TAS1R3: variants seen among roughly 807,000 people sequenced by gnomAD.
The protein encoded by TAS1R3 is taste 1 receptor member 3, also known as taste receptor type 1 member 3.
In TAS1R3, 58 loss-of-function variants were observed where a neutral mutation model predicts 46.1. The ratio of observed to expected loss-of-function variants is 1.26; its 90% confidence interval spans 1.02 to 1.57. The LOEUF is 1.57. Ranked by LOEUF, TAS1R3 falls within the 40% of genes most tolerant of loss-of-function variation. The probability of loss-of-function intolerance (pLI) is 0.00; values close to 1 mark genes in which losing one functional copy is unlikely to be tolerated. For synonymous variants in TAS1R3, 724 were observed against 544.7 expected, an observed-to-expected ratio of 1.33 and a Z score of -4.58; for missense variants, 1,422 against 1,185.8, an observed-to-expected ratio of 1.20 and a Z score of -2.93.
Position 1,332,759 on chromosome 1 carries a change from T to C in TAS1R3, c.1228T>C (p.Cys410Arg), listed in dbSNP as rs1643459583. 6.2e-7 allele frequency: 1 copy of C among 1,605,884 alleles called. No homozygotes were observed. Among genetic ancestry groups the C allele is most frequent in the Non-Finnish European group, 8.5e-7 (1 of 1,179,768 alleles). The change falls in exon 3 of 6, where the codon TGC (cysteine) becomes CGC (arginine). Residue 410 changes from cysteine (C) to arginine (R), a missense_variant. Coordinates refer to ENST00000339381, the MANE Select transcript of TAS1R3 (RefSeq NM_152228.3). ...CCAGGCCCTGCACAACACTCTTCAG[T>C]GCAACGCCTCAGGCTGCCCCGCGCA... is the stretch of plus-strand genomic sequence containing the variant. ...VAQALHNTLQ[C>R]NASGCPAQDP...
rs772891430 is a variant in TAS1R3 at position 1,331,443 on chromosome 1, G to A, written c.98G>A (p.Gly33Glu). 4 of 1,604,146 alleles carry A rather than the reference G, an allele frequency of 2.5e-6. No homozygotes were observed. Among genetic ancestry groups the A allele is most frequent in the South Asian group, 1.1e-5 (1 of 89,932 alleles). Residue 33 changes from glycine to glutamate, a missense_variant, in exon 1 of 6, where the codon GGG becomes GAG. Coordinates refer to ENST00000339381, the MANE Select transcript of TAS1R3 (RefSeq NM_152228.3). ...LCLSQQLRMK[G>E]DYVLGGLFPL... The stretch of plus-strand genomic sequence containing the variant: ...CTGTCACAGCAACTTAGGATGAAGG[G>A]GGACTACGTGCTGGGGGGGCTGTTC...
At position 1,331,855 on chromosome 1, in the gene TAS1R3, C is replaced by T. The variant is rs773173410; in HGVS notation, c.409C>T (p.Arg137Cys). ...CTGCAACTACACGCAGTACCAGCCCCGTGTGCTGGCTGTCATCGGGCCCCA... is the reference window on the plus strand; with the variant it reads ...CTGCAACTACACGCAGTACCAGCCCTGTGTGCTGGCTGTCATCGGGCCCCA... ...AYCNYTQYQP[R>C]VLAVIGPHSS... is the part of the protein sequence containing the mutation. The change falls in exon 2 of 6, where the codon CGT (arginine) becomes TGT (cysteine). Residue 137 changes from arginine (R) to cysteine (C), a missense_variant. Arg to Cys is a radical substitution (Grantham distance 180, BLOSUM62 -3). Transcript: ENST00000339381. The T allele has an allele frequency of 7.4e-6, 12 of 1,612,806 alleles. No homozygotes were observed. The Admixed American group carries it at 1.0e-4, about 13-fold the overall frequency.
Position 1,333,934 on chromosome 1 carries a change from C to T in TAS1R3, c.2029C>T (p.Arg677Trp), listed in dbSNP as rs370607593. 1.7e-5 allele frequency: 27 copies of T among 1,600,146 alleles called. No homozygotes were observed. Among genetic ancestry groups the T allele is most frequent in the African/African-American group, 4.0e-5 (3 of 74,198 alleles). ...SWADRLSGCL[R>W]GPWAWLVVLL... ...GGCAGACCGGCTGAGTGGCTGCCTG[C>T]GGGGGCCCTGGGCCTGGCTGGTGGT... The change falls in exon 6 of 6, where the codon CGG becomes TGG. Residue 677 changes from arginine (R) to tryptophan (W), a missense_variant. By Grantham distance (101) the Arg-to-Trp change is moderately radical. Transcript: ENST00000339381.
Position 1,332,684 on chromosome 1 carries a change from C to G in TAS1R3, c.1153C>G (p.Leu385Val), listed in dbSNP as rs762316985. Residue 385 changes from leucine to valine, a missense_variant, in exon 3 of 6, where the codon CTA becomes GTA. Transcript: ENST00000339381. ...CACGCTGCAGAACGTGAGCGCAGGG[C>G]TAAATCACCACCAGACGTTCTCTGT... ...CITLQNVSAGLNHHQTFSVYA... is the reference protein window; with the variant it reads ...CITLQNVSAGVNHHQTFSVYA... The G allele has an allele frequency of 6.2e-7, 1 of 1,604,988 alleles. No homozygotes were observed. The highest frequency in any genetic ancestry group is 1.1e-5 in the South Asian group (1 of 90,944).
chr1:1,331,560 T>A, intron 1 of TAS1R3, 24 bp downstream of exon 1: 1 of 1,598,218 alleles, frequency 6.3e-7, no homozygotes, highest in Admixed American at 1.7e-5. Context: ...ACGGCCTGGG[T>A]CGGGGTCAGG....
Position 1,331,837 on chromosome 1 carries a change from T to A in TAS1R3, c.391T>A (p.Tyr131Asn). 1 of 1,612,910 alleles carries A rather than the reference T, an allele frequency of 6.2e-7. No homozygotes were observed. Among genetic ancestry groups the A allele is most frequent in the Admixed American group, 1.7e-5 (1 of 60,022 alleles). The change falls in exon 2 of 6, where the codon TAC (tyrosine) becomes AAC (asparagine). Residue 131 changes from tyrosine to asparagine, a missense_variant. Transcript: ENST00000339381. ...CCGCGACATCGCCGCCTACTGCAAC[T>A]ACACGCAGTACCAGCCCCGTGTGCT... ...GSRDIAAYCN[Y>N]TQYQPRVLAV...
In TAS1R3 at chr1:1,331,311, G is replaced by A; in HGVS notation, c.-35G>A. ...TCCATGTGAGGCCCCAGTCGGGGCA[G>A]CCACCTGCCGTGCCTGTTGGAAGTT... On this transcript the variant is annotated 5_prime_UTR_variant, in exon 1 of 6. Transcript: ENST00000339381. The A allele has an allele frequency of 1.3e-6, 2 of 1,531,676 alleles. No individual in the cohort carries two copies. Among genetic ancestry groups the A allele is most frequent in the South Asian group, 2.5e-5 (2 of 79,104 alleles). The allele number at this position is 1,531,676 out of a possible 1,614,324, so 94.9% of individuals were successfully genotyped here. A position where few individuals can be genotyped will look rare whatever the true frequency, so the allele number is the denominator to read the frequency against.
chr1:1,333,696 A>C lies in TAS1R3; in HGVS notation c.1791A>C (p.Pro597=), dbSNP rs148260692. 4,251 of 1,611,362 alleles carry C rather than the reference A, an allele frequency of 2.6e-3. 115 individuals carry two copies. The African/African-American group carries it at 0.05, about 19-fold the overall frequency. The change falls in exon 6 of 6, where the codon CCA becomes CCC. Residue 597 remains proline, a synonymous_variant. Transcript: ENST00000339381. ...TGTTCGTTCACCATCGGGACAGCCCACTGGTTCAGGCCTCGGGGGGGCCCC... is the reference window on the plus strand; with the variant it reads ...TGTTCGTTCACCATCGGGACAGCCCCCTGGTTCAGGCCTCGGGGGGGCCCC... ...LGLFVHHRDS[P]LVQASGGPLA... is the part of the protein sequence containing the mutation.
intron 5 of TAS1R3, 45 bp from the exon 6 acceptor site, chr1:1,333,461 A>C (rs1208869380): frequency 3.1e-6 from 5 of 1,603,376 alleles, no homozygotes; most frequent in Non-Finnish European, 3.4e-6. Flanking sequence ...ACCAGAGCCC[A>C]CAGGGTACAA....
intron 1 of TAS1R3, 34 bp downstream of exon 1, chr1:1,331,570 G>C: frequency 6.2e-7 from 1 of 1,601,792 alleles, no homozygotes; most frequent in Non-Finnish European, 8.5e-7. Flanking sequence ...TCGGGGTCAG[G>C]GTGACCAGGT....
In TAS1R3 at chr1:1,333,654, G is replaced by A; in HGVS notation, c.1749G>A (p.Val583=). ...TGCTGAGCCTGGCGCTGGGCCTTGT[G>A]CTGGCTGCTTTGGGGCTGTTCGTTC... The part of the protein sequence containing the change: ...LLLLSLALGL[V]LAALGLFVHH... The change falls in exon 6 of 6, where the codon GTG becomes GTA. Residue 583 remains valine, a synonymous_variant. Coordinates refer to ENST00000339381, the MANE Select transcript of TAS1R3 (RefSeq NM_152228.3). 4.3e-6 allele frequency: 7 copies of A among 1,612,068 alleles called. No homozygotes were observed. Among genetic ancestry groups the A allele is most frequent in the Non-Finnish European group, 5.9e-6 (7 of 1,179,920 alleles).
In TAS1R3 at chr1:1,334,459, G is replaced by T; in HGVS notation, c.2554G>T (p.Glu852Ter). ...DGNTGNQGKH[E>*] ...GAACACAGGAAATCAGGGGAAACAT[G>T]AGTGACCCAACCCTGTGATCTCAGC... The change falls in exon 6 of 6, where the codon GAG (glutamate) becomes TAG (stop). Residue 852 changes from glutamate (E) to a stop codon, truncating the protein, a stop_gained. Coordinates refer to ENST00000339381, the MANE Select transcript of TAS1R3 (RefSeq NM_152228.3). LOFTEE classifies it high-confidence loss of function. 1 of 1,559,422 alleles carries T rather than the reference G, an allele frequency of 6.4e-7. No homozygotes were observed.
chr1:1,332,316 A>G lies in TAS1R3; in HGVS notation c.785A>G (p.Gln262Arg). ...GGGAAGGTGCAGGACGTCCTGCACC[A>G]GGTGAACCAGAGCAGCGTGCAGGTG... ...RLGKVQDVLH[Q>R]VNQSSVQVVL... The change falls in exon 3 of 6, where the codon CAG becomes CGG. Residue 262 changes from glutamine (Q) to arginine (R), a missense_variant. By Grantham distance (43) the Gln-to-Arg change is conservative. Transcript: ENST00000339381. 1 of 1,601,290 alleles carries G rather than the reference A, an allele frequency of 6.2e-7. No homozygotes were observed. Among genetic ancestry groups the G allele is most frequent in the Non-Finnish European group, 8.5e-7 (1 of 1,175,928 alleles).
chr1:1,333,876 G>A lies in TAS1R3; in HGVS notation c.1971G>A (p.Glu657=). 1 of 1,600,428 alleles carries A rather than the reference G, an allele frequency of 6.2e-7. No individual in the cohort carries two copies. Residue 657 remains glutamate, a synonymous_variant, in exon 6 of 6, where the codon GAG becomes GAA. Transcript: ENST00000339381. ...GCACACTCTTCCTGCAGGCGGCCGAGATCTTCGTGGAGTCAGAACTGCCTC... is the reference window on the plus strand; with the variant it reads ...GCACACTCTTCCTGCAGGCGGCCGAAATCTTCGTGGAGTCAGAACTGCCTC... ...CLSTLFLQAA[E]IFVESELPLS... is the part of the protein sequence containing the mutation.
Position 1,334,592 on chromosome 1 carries a change from C to T in TAS1R3, c.*128C>T, listed in dbSNP as rs903338310. 2.1e-5 allele frequency: 23 copies of T among 1,090,048 alleles called. No individual in the cohort carries two copies. The highest frequency in any genetic ancestry group is 2.8e-5 in the Non-Finnish European group (22 of 785,084). 67.5% of individuals were successfully genotyped at this position (1,090,048 alleles called of 1,614,324 possible). A position where few individuals can be genotyped will look rare whatever the true frequency, so the allele number is the denominator to read the frequency against. ...TTCTGACCCCAGGTTGTCTCCTGAC[C>T]CTGACCCCACAGTGAGCCCTAGGCC... is the stretch of plus-strand genomic sequence containing the variant. On this transcript the variant is annotated 3_prime_UTR_variant, in exon 6 of 6. Transcript: ENST00000339381.
In TAS1R3 at chr1:1,332,967, C is replaced by G; in HGVS notation, c.1322C>G (p.Pro441Arg). 9.3e-6 allele frequency: 15 copies of G among 1,612,220 alleles called. No individual in the cohort carries two copies. The highest frequency in any genetic ancestry group is 1.3e-5 in the Non-Finnish European group (15 of 1,179,508). ...YNLTFHVGGL[P>R]LRFDSSGNVD... ...CTGACCTTCCACGTGGGCGGGCTGC[C>G]GCTGCGGTTCGACAGCAGCGGAAAC... The change falls in exon 4 of 6, where the codon CCG becomes CGG. Residue 441 changes from proline (P) to arginine (R), a missense_variant. Pro to Arg is a moderately radical substitution (Grantham distance 103). Coordinates refer to ENST00000339381, the MANE Select transcript of TAS1R3 (RefSeq NM_152228.3).
At position 1,332,356 on chromosome 1, in the gene TAS1R3, C is replaced by G. The variant is rs1487875275; in HGVS notation, c.825C>G (p.Ala275=). The change falls in exon 3 of 6, where the codon GCC becomes GCG. Residue 275 remains alanine (A), a synonymous_variant. Coordinates refer to ENST00000339381, the MANE Select transcript of TAS1R3 (RefSeq NM_152228.3). ...QSSVQVVLLF[A]SVHAAHALFN... The stretch of plus-strand genomic sequence containing the variant: ...GCGTGCAGGTGGTGCTGCTGTTCGC[C>G]TCCGTGCACGCCGCCCACGCCCTCT... The G allele has an allele frequency of 1.2e-6, 2 of 1,602,596 alleles. No homozygotes were observed. The highest frequency in any genetic ancestry group is 1.7e-5 in the Admixed American group (1 of 58,452).
At position 1,332,091 on chromosome 1, in the gene TAS1R3, T is replaced by C. The variant is rs770543641; in HGVS notation, c.560T>C (p.Val187Ala). 6 of 1,601,304 alleles carry C rather than the reference T, an allele frequency of 3.7e-6. No individual in the cohort carries two copies. The South Asian group carries it at 5.5e-5, about 15-fold the overall frequency. The change falls in exon 3 of 6, where the codon GTG (valine) becomes GCG (alanine). Residue 187 changes from valine (V) to alanine (A), a missense_variant. Coordinates refer to ENST00000339381, the MANE Select transcript of TAS1R3 (RefSeq NM_152228.3). The part of the protein sequence containing the change: ...RETFPSFFRT[V>A]PSDRVQLTAA... ...ACCTTCCCCTCCTTCTTCCGCACCGTGCCCAGCGACCGTGTGCAGCTGACG... is the reference window on the plus strand; with the variant it reads ...ACCTTCCCCTCCTTCTTCCGCACCGCGCCCAGCGACCGTGTGCAGCTGACG...
At position 1,334,162 on chromosome 1, in the gene TAS1R3, A is replaced by C. The variant is rs542451080; in HGVS notation, c.2257A>C (p.Ser753Arg). 6.3e-7 allele frequency: 1 copy of C among 1,587,434 alleles called. No individual in the cohort carries two copies. Among genetic ancestry groups the C allele is most frequent in the African/African-American group, 1.3e-5 (1 of 74,420 alleles). Residue 753 changes from serine (S) to arginine (R), a missense_variant, in exon 6 of 6, where the codon AGC (serine) becomes CGC (arginine). Physicochemically the swap from Ser to Arg is moderately radical, Grantham distance 110 (BLOSUM62 -1). Transcript: ENST00000339381. ...LCFLGTFLVRSQPGCYNRARG... is the reference protein window; with the variant it reads ...LCFLGTFLVRRQPGCYNRARG... ...CTTCCTGGGCACTTTCCTGGTGCGG[A>C]GCCAGCCGGGCTGCTACAACCGTGC...
Sources: gnomAD v4.1 joint callset for allele counts on GRCh38, gnomAD v4.1.1 for gene constraint, MANE v1.5 for transcripts, NCBI Gene and HGNC (gene_info 2026-07-23, HGNC 2026-07-21) for gene names.